The following RNF213 variants were observed in gnomAD, a reference collection of about 807,000 sequenced individuals.
RNF213 encodes the protein E3 ubiquitin-protein ligase RNF213.
Under a neutral mutation model 514.4 loss-of-function variants are expected in RNF213, and 341 were observed. That is an observed-to-expected ratio of 0.66 (90% CI 0.61 to 0.73). RNF213 has a LOEUF of 0.73. Ranked by LOEUF, RNF213 falls within the 30% of genes least tolerant of loss-of-function variation. The pLI is 0.00. For synonymous variants in RNF213, 2,655 were observed against 2,658.2 expected (o/e 1.00, Z 0.04); for missense variants, 5,767 against 6,615.6 (o/e 0.87, Z 4.45).
At chr17:80,274,808 G>T (rs1227896895) in intron 3 of RNF213, among the ~76,000 whole-genome samples, 1 of 30,182 alleles carries the variant, frequency 3.3e-5, no homozygotes, top group East Asian at 1.7e-3. Flanking sequence ...GTGAGTGGGG[G>T]GTGAGGGGGG....
intron 15 of RNF213, among the ~76,000 whole-genome samples, chr17:80,315,874 A>C (rs1325842409): frequency 4.8e-3 from 122 of 25,206 alleles, no homozygotes; most frequent in South Asian, 8.9e-3. Context: ...GGTGGAGGTA[A>C]TGGAGGTGAT....
intron 26 of RNF213, among the ~76,000 whole-genome samples, chr17:80,342,540 C>T (rs2078183487): frequency 6.7e-6 from 1 of 149,616 alleles, no homozygotes; most frequent in African/African-American, 2.5e-5. Flanking sequence ...TAATTTTTCT[C>T]TCTCTCTCTC....
At position 80,374,482 on chromosome 17, in the gene RNF213, C is replaced by T; in HGVS notation, c.12967C>T (p.Gln4323Ter). 6.2e-7 allele frequency: 1 copy of T among 1,614,208 alleles called. No homozygotes were observed. The highest frequency in any genetic ancestry group is 2.2e-5 in the East Asian group (1 of 44,884). ...QQGLRQDHPG[Q>*]MDRYLVYGDE... The stretch of plus-strand genomic sequence containing the variant: ...GGGGCTGCGGCAGGACCACCCAGGC[C>T]AGATGGATAGGTACCTGGTGTACGG... The change falls in exon 50 of 68, where the codon CAG (glutamine) becomes TAG (stop). Residue 4323 changes from glutamine (Q) to a stop codon, truncating the protein, a stop_gained. Coordinates refer to ENST00000582970, the MANE Select transcript of RNF213 (RefSeq NM_001256071.3). LOFTEE classifies it high-confidence loss of function.
intron 18 of RNF213, among the ~76,000 whole-genome samples, chr17:80,326,109 C>G (rs1213330667): frequency 6.6e-6 from 1 of 152,052 alleles, no homozygotes; most frequent in Non-Finnish European, 1.5e-5. Flanking sequence ...CAGATGTGAG[C>G]CACTGTGCCC....
In RNF213 at chr17:80,344,881, G is replaced by T; in HGVS notation, c.6546G>T (p.Thr2182=). The change falls in exon 29 of 68, where the codon ACG becomes ACT. Residue 2182 remains threonine, a synonymous_variant. Coordinates refer to ENST00000582970, the MANE Select transcript of RNF213 (RefSeq NM_001256071.3). The part of the protein sequence containing the change: ...RRFNQNQDLD[T]FQYQEGSVEG... ...TCAATCAAAACCAAGACCTAGACAC[G>T]TTTCAGTATCAAGAAGGCTCTGTCG... 5 of 1,614,154 alleles carry T rather than the reference G, an allele frequency of 3.1e-6. No homozygotes were observed. The highest frequency in any genetic ancestry group is 4.2e-6 in the Non-Finnish European group (5 of 1,180,036).
intron 46 of RNF213, among the ~76,000 whole-genome samples, chr17:80,371,277 T>C (rs1313789291): frequency 1.3e-5 from 2 of 152,240 alleles, no homozygotes; most frequent in African/African-American, 4.8e-5. Flanking sequence ...TAAGGAATAA[T>C]AGCCACAATC....
intron 59 of RNF213, chr17:80,384,799 C>G (rs1340083971): frequency 3.6e-6 from 2 of 551,542 alleles, no homozygotes; most frequent in Non-Finnish European, 6.5e-6. Flanking sequence ...GCGGCTGATG[C>G]GTCAGCTCCA....
At chr17:80,300,370 T>C (rs1470413868) in intron 11 of RNF213, among the ~76,000 whole-genome samples, 1 of 151,810 alleles carries the variant, frequency 6.6e-6, no homozygotes, top group Non-Finnish European at 1.5e-5. Flanking sequence ...GCACAAGCGA[T>C]TCTGCTGGGA....
chr17:80,372,092 T>C, intron 47 of RNF213, 107 bp downstream of exon 47: 1 of 748,208 alleles, frequency 1.3e-6, no homozygotes. Context: ...GAATGCTCTG[T>C]TCCGTGCAGA....
intron 14 of RNF213, 131 bp downstream of exon 14, chr17:80,309,302 C>A: frequency 1.8e-6 from 2 of 1,097,754 alleles, no homozygotes; most frequent in Non-Finnish European, 2.7e-6. Flanking sequence ...CAGCAGTGGA[C>A]ATTTCTTGTG....
intron 36 of RNF213, chr17:80,355,198 A>G (rs1348635130): frequency 2.2e-6 from 1 of 455,916 alleles, no homozygotes; most frequent in Non-Finnish European, 4.4e-6. Flanking sequence ...TCCCATCTCT[A>G]AAAGACAGCG....
At chr17:80,364,363 C>T (rs2079173632) in intron 41 of RNF213, 70 bp from the exon 42 acceptor site, 2 of 1,610,780 alleles carry the variant, frequency 1.2e-6, no homozygotes, top group South Asian at 1.1e-5. Flanking sequence ...TCCCGTCTCC[C>T]TCCTCGTTTC....
chr17:80,279,084 G>C (rs1052066329), intron 3 of RNF213, among the ~76,000 whole-genome samples: 1 of 152,240 alleles, frequency 6.6e-6, no homozygotes, highest in Admixed American at 6.5e-5. Context: ...GCTGATTCAG[G>C]CTTGGCTCTT....
Position 80,367,767 on chromosome 17 carries a change from A to G in RNF213, c.11891A>G (p.Asp3964Gly). 1 of 1,614,154 alleles carries G rather than the reference A, an allele frequency of 6.2e-7. No individual in the cohort carries two copies. Among genetic ancestry groups the G allele is most frequent in the Non-Finnish European group, 8.5e-7 (1 of 1,179,996 alleles). ...LLDKCLRENS[D>G]VKTHGPFEAV... ...CTTCAGTGTCTTCGAGAGAACTCTG[A>G]CGTGAAGACGCACGGGCCTTTTGAG... Residue 3964 changes from aspartate to glycine, a missense_variant, in exon 43 of 68, where the codon GAC becomes GGC. Transcript: ENST00000582970.
intron 3 of RNF213, among the ~76,000 whole-genome samples, chr17:80,286,979 T>G (rs774469124): frequency 4.6e-5 from 7 of 152,306 alleles, no homozygotes; most frequent in African/African-American, 7.2e-5. Flanking sequence ...ACTCATTTTT[T>G]AGTCTCATCC....
At position 80,336,260 on chromosome 17, in the gene RNF213, A is replaced by G; in HGVS notation, c.4409A>G (p.Gln1470Arg). 1 of 1,537,274 alleles carries G rather than the reference A, an allele frequency of 6.5e-7. No individual in the cohort carries two copies. ...GTGGCCTGCTTCCATGACGCTGTGC[A>G]GGGCTACGCATCCCTGCTATTTAAG... ...DRVACFHDAV[Q>R]GYASLLFKLD... is the part of the protein sequence containing the mutation. Residue 1470 changes from glutamine to arginine, a missense_variant, in exon 23 of 68, where the codon CAG becomes CGG. This residue lies in a region of RNF213 where 1,377 missense variants were observed against 1,635.2 expected (regional missense o/e 0.84). Coordinates refer to ENST00000582970, the MANE Select transcript of RNF213 (RefSeq NM_001256071.3).
chr17:80,328,048 C>T (rs1231526866), intron 19 of RNF213, 59 bp downstream of exon 19: 5 of 1,520,564 alleles, frequency 3.3e-6, no homozygotes, highest in South Asian at 2.4e-5. Context: ...CTGGAAGACA[C>T]GTTTGTGTTT....
intron 1 of RNF213, among the ~76,000 whole-genome samples, chr17:80,262,555 G>A (rs1357463182): frequency 1.3e-5 from 2 of 152,208 alleles, no homozygotes; most frequent in Non-Finnish European, 2.9e-5. Context: ...CCTCTAGGCA[G>A]ATAATGGGGC....
chr17:80,374,694 A>G (rs6565681), intron 50 of RNF213, 105 bp downstream of exon 50: 1,103,330 of 1,352,698 alleles, frequency 0.82, 454,532 homozygotes, highest in African/African-American at 0.9. Flanking sequence ...CCACTGATGC[A>G]GCCCATCACG....
Sources: allele counts gnomAD v4.1 joint callset (sites outside exome capture counted in the v4.1 genomes callset), GRCh38; gene constraint gnomAD v4.1.1; regional missense constraint gnomAD v4.1.1; transcripts MANE v1.5; gene names NCBI Gene and HGNC (gene_info 2026-07-23, HGNC 2026-07-21).